The following TMEM108 variants were observed in gnomAD, a reference collection of about 807,000 sequenced individuals.
TMEM108 encodes the protein cancer/testis antigen 124.
Under a neutral mutation model 35.1 loss-of-function variants are expected in TMEM108, and 12 were observed. That is an observed-to-expected ratio of 0.34 (90% confidence interval 0.22 to 0.55). TMEM108 has a LOEUF of 0.55. TMEM108 is among the 20% of genes least tolerant of loss of function. The pLI is 0.89. For synonymous variants in TMEM108, 287 were observed against 308.6 expected, an observed-to-expected ratio of 0.93 and a Z score of 0.73; for missense variants, 680 against 753.3, an observed-to-expected ratio of 0.90 and a Z score of 1.14.
At chr3:133,121,218 T>C (rs992942093) in intron 2 of TMEM108, among the ~76,000 whole-genome samples, 3 of 152,200 alleles carry the variant, frequency 2.0e-5, no homozygotes, top group African/African-American at 7.2e-5. Flanking sequence ...GATGGGGGCC[T>C]CTCAATCTGA....
At chr3:133,047,633 T>C (rs1483944637) in intron 2 of TMEM108, among the ~76,000 whole-genome samples, 1 of 152,174 alleles carries the variant, frequency 6.6e-6, no homozygotes, top group African/African-American at 2.4e-5. Flanking sequence ...TTTGTGACAA[T>C]CAGAAATGTC....
At chr3:133,060,745 G>A (rs1943525294) in intron 2 of TMEM108, among the ~76,000 whole-genome samples, 2 of 152,088 alleles carry the variant, frequency 1.3e-5, no homozygotes, top group Admixed American at 1.3e-4. Context: ...TAAAATGTGT[G>A]TACACCTTGA....
chr3:133,253,275 T>G (rs1356291644), intron 3 of TMEM108: 1 of 152,184 alleles, frequency 6.6e-6, no homozygotes, highest in Non-Finnish European at 1.5e-5. Flanking sequence ...AGATAGATTC[T>G]AATACTGGCT....
intron 2 of TMEM108, among the ~76,000 whole-genome samples, chr3:133,068,173 T>C (rs1041320976): frequency 1.3e-5 from 2 of 152,098 alleles, no homozygotes; most frequent in African/African-American, 2.4e-5. Context: ...CACTGTTGCA[T>C]TGGGGATTAA....
intron 2 of TMEM108, among the ~76,000 whole-genome samples, chr3:133,216,178 G>A (rs1480512270): frequency 1.3e-5 from 2 of 151,918 alleles, no homozygotes; most frequent in African/African-American, 2.4e-5. Context: ...GGCTCTTTAT[G>A]GCTATTTTCT....
intron 2 of TMEM108, among the ~76,000 whole-genome samples, chr3:133,068,201 A>G (rs80113259): frequency 0.028 from 4,192 of 152,242 alleles, 103 homozygotes; most frequent in South Asian, 0.061. Flanking sequence ...ACATGAACTT[A>G]GGAGAACATA....
chr3:133,203,787 T>C (rs1158543771), intron 2 of TMEM108, among the ~76,000 whole-genome samples: 1 of 152,234 alleles, frequency 6.6e-6, no homozygotes, highest in Non-Finnish European at 1.5e-5. Context: ...CAGATTTTGG[T>C]ATCAGGATGA....
At chr3:133,246,682 T>G (rs767359825) in intron 3 of TMEM108, 1 of 152,102 alleles carries the variant, frequency 6.6e-6, no homozygotes, top group Non-Finnish European at 1.5e-5. Flanking sequence ...ATGCACTCAC[T>G]CCACTGAGGC....
intron 3 of TMEM108, among the ~76,000 whole-genome samples, chr3:133,266,039 A>T (rs910310237): frequency 5.3e-5 from 8 of 151,662 alleles, no homozygotes; most frequent in Admixed American, 5.2e-4. Context: ...GCAAATATTG[A>T]TAATAGTGTA....
chr3:133,249,425 A>G (rs969194820), intron 3 of TMEM108, among the ~76,000 whole-genome samples: 1 of 152,222 alleles, frequency 6.6e-6, no homozygotes, highest in African/African-American at 2.4e-5. Flanking sequence ...CACTCTGAGC[A>G]TGACAGATGT....
chr3:133,194,687 A>C (rs1305713314), intron 2 of TMEM108, among the ~76,000 whole-genome samples: 1 of 152,100 alleles, frequency 6.6e-6, no homozygotes, highest in Non-Finnish European at 1.5e-5. Context: ...ATGGGTTGGG[A>C]CCAATTTCCT....
In TMEM108 at chr3:133,053,514, A is replaced by G. The variant is rs545534430; in HGVS notation, c.-47+7494A>G. On this transcript the variant is annotated intron_variant, in intron 2 of 5. Coordinates refer to ENST00000321871, the MANE Select transcript of TMEM108 (RefSeq NM_023943.4). ...TTAGACATCTTGCCAAGGGGCCTAC[A>G]TAGCCTATTTTGATTACAAGAGTGG... Among the ~76,000 whole-genome samples, 6 of 152,408 alleles carry G rather than the reference A, an allele frequency of 3.9e-5. No individual in the cohort carries two copies. The East Asian group carries it at 9.6e-4, about 24-fold the overall frequency.
chr3:133,362,150 C>T (rs186009311), intron 3 of TMEM108, among the ~76,000 whole-genome samples: 14 of 152,212 alleles, frequency 9.2e-5, no homozygotes, highest in Admixed American at 9.2e-4. Flanking sequence ...AGGATACTTC[C>T]AGGAAATGCT....
At chr3:133,130,932 C>T (rs147270970) in intron 2 of TMEM108, among the ~76,000 whole-genome samples, 1 of 152,198 alleles carries the variant, frequency 6.6e-6, no homozygotes, top group Non-Finnish European at 1.5e-5. Flanking sequence ...TTATGACACT[C>T]TATCTACTGT....
At chr3:133,379,624 G>C in intron 3 of TMEM108, 128 bp from the exon 4 acceptor site, 1 of 897,734 alleles carries the variant, frequency 1.1e-6, no homozygotes, top group Admixed American at 2.2e-5. Context: ...AGGAGCACTA[G>C]TGTGGGCTCA....
At chr3:133,370,264 AC>A (rs2072620483) in intron 3 of TMEM108, among the ~76,000 whole-genome samples, 1 of 151,116 alleles carries the variant, frequency 6.6e-6, no homozygotes, top group South Asian at 2.1e-4. Flanking sequence ...AGCTGCTCAG[AC>A]CTTCTTTGCT....
At chr3:133,322,097 G>C (rs904550054) in intron 3 of TMEM108, among the ~76,000 whole-genome samples, 29 of 151,968 alleles carry the variant, frequency 1.9e-4, no homozygotes, top group African/African-American at 6.5e-4. Flanking sequence ...CAAAGAGACA[G>C]TCTAAGGTTA....
intron 3 of TMEM108, among the ~76,000 whole-genome samples, chr3:133,233,139 A>G (rs1007110962): frequency 1.3e-5 from 2 of 151,848 alleles, no homozygotes; most frequent in Non-Finnish European, 2.9e-5. Context: ...TGCTGCACCC[A>G]TTAACTCGTC....
At position 133,258,972 on chromosome 3, in the gene TMEM108, T is replaced by G. The variant is rs185328566; in HGVS notation, c.40+29621T>G. On this transcript the variant is annotated intron_variant, in intron 3 of 5. Coordinates refer to ENST00000321871, the MANE Select transcript of TMEM108 (RefSeq NM_023943.4). The stretch of plus-strand genomic sequence containing the variant: ...TTGTTTTAGTATTTGCAGGCCCATA[T>G]GCAATAATCCTTTCATTTTTCCCTT... Among the ~76,000 whole-genome samples the G allele has an allele frequency of 2.7e-3, 404 of 152,364 alleles. 3 individuals carry two copies. Among genetic ancestry groups the G allele is most frequent in the African/African-American group, 9.2e-3 (383 of 41,590 alleles).
Sources: allele counts gnomAD v4.1 joint callset (sites outside exome capture counted in the v4.1 genomes callset), GRCh38; gene constraint gnomAD v4.1.1; transcripts MANE v1.5; gene names NCBI Gene and HGNC (gene_info 2026-07-23, HGNC 2026-07-21).